The following OTUD7A variants were observed in gnomAD, a reference collection of about 807,000 sequenced individuals.
The protein encoded by OTUD7A is OTU deubiquitinase 7A, also known as OTU domain-containing protein 7A.
In OTUD7A, 12 loss-of-function variants were observed where a neutral mutation model predicts 65.7. The observed-to-expected ratio is 0.18, with a 90% confidence interval of 0.12 to 0.30. The LOEUF (loss-of-function observed/expected upper bound fraction) is 0.30. Ranked by LOEUF, OTUD7A falls within the 10% of genes least tolerant of loss-of-function variation. OTUD7A has a pLI of 1.00. For missense variants in OTUD7A, 1,148 were observed against 1,304.8 expected (o/e 0.88, Z 1.85); for synonymous variants, 641 against 586.3 (o/e 1.09, Z -1.35).
chr15:31,709,367 G>C (rs1893381227), intron 1 of OTUD7A, among the ~76,000 whole-genome samples: 1 of 152,178 alleles, frequency 6.6e-6, no homozygotes, highest in East Asian at 1.9e-4. Flanking sequence ...CACAGGTGTG[G>C]ACAAACCCAG....
intron 3 of OTUD7A, among the ~76,000 whole-genome samples, chr15:31,633,267 AC>A (rs1210219121): frequency 6.6e-6 from 1 of 151,640 alleles, no homozygotes; most frequent in Non-Finnish European, 1.5e-5. Context: ...TCTTGGCTCC[AC>A]CCCCCTGTAT....
intron 1 of OTUD7A, among the ~76,000 whole-genome samples, chr15:31,788,182 G>A (rs1285052920): frequency 2.6e-5 from 4 of 151,976 alleles, no homozygotes; most frequent in Non-Finnish European, 5.9e-5. Context: ...TTTCCCTTCT[G>A]TTTATGAATG....
intron 8 of OTUD7A, among the ~76,000 whole-genome samples, chr15:31,519,550 A>G (rs1483525535): frequency 1.3e-5 from 2 of 152,208 alleles, no homozygotes; most frequent in Non-Finnish European, 2.9e-5. Context: ...CAGCATACTT[A>G]ATGGGGAAAA....
chr15:31,682,684 T>C lies in OTUD7A; in HGVS notation c.-99-25607A>G, dbSNP rs778823703. 3.1e-4 allele frequency among the ~76,000 whole-genome samples: 47 copies of C among 152,222 alleles called. 1 individual carries two copies. Among genetic ancestry groups the C allele is most frequent in the Non-Finnish European group, 7.3e-5 (5 of 68,042 alleles). The stretch of plus-strand genomic sequence containing the variant: ...CTCAATCTACATCTTACACCATATA[T>C]AAAAATTAACTCTGAATGGATCATA... On this transcript the variant is annotated intron_variant, in intron 1 of 12. Transcript: ENST00000307050.
At chr15:31,771,382 C>A (rs1306879708) in intron 1 of OTUD7A, among the ~76,000 whole-genome samples, 1 of 152,230 alleles carries the variant, frequency 6.6e-6, no homozygotes, top group Non-Finnish European at 1.5e-5. Context: ...TCCACATCCA[C>A]TGGCAACGGC....
At chr15:31,784,072 T>C (rs1895609093) in intron 1 of OTUD7A, among the ~76,000 whole-genome samples, 1 of 152,160 alleles carries the variant, frequency 6.6e-6, no homozygotes, top group Non-Finnish European at 1.5e-5. Flanking sequence ...GCCACCTAAC[T>C]CAATGGACCA....
intron 1 of OTUD7A, among the ~76,000 whole-genome samples, chr15:31,755,522 C>A (rs560072767): frequency 6.6e-6 from 1 of 152,196 alleles, no homozygotes; most frequent in East Asian, 1.9e-4. Context: ...GAGATCGAGA[C>A]CATTCTGGCT....
intron 1 of OTUD7A, chr15:31,765,617 C>T (rs558867270): frequency 5.7e-5 from 33 of 575,290 alleles, no homozygotes; most frequent in African/African-American, 5.1e-4. Flanking sequence ...TATTTTGGCA[C>T]TACCTTACAT....
intron 1 of OTUD7A, among the ~76,000 whole-genome samples, chr15:31,700,489 C>T (rs929916430): frequency 2.6e-5 from 4 of 152,116 alleles, no homozygotes. Flanking sequence ...CTTGACTTCG[C>T]CCTCTCCATC....
intron 7 of OTUD7A, among the ~76,000 whole-genome samples, chr15:31,526,678 G>T (rs1186367691): frequency 2.0e-5 from 3 of 152,190 alleles, no homozygotes; most frequent in Non-Finnish European, 4.4e-5. Flanking sequence ...CTGGGAATCT[G>T]CCCACCAACA....
At chr15:31,818,982 G>A (rs185238312) in intron 1 of OTUD7A, among the ~76,000 whole-genome samples, 98 of 152,252 alleles carry the variant, frequency 6.4e-4, no homozygotes, top group African/African-American at 2.1e-3. Flanking sequence ...GGACACTGAC[G>A]GCTGGGTTTG....
At chr15:31,781,927 G>C (rs1201377567) in intron 1 of OTUD7A, among the ~76,000 whole-genome samples, 3 of 152,210 alleles carry the variant, frequency 2.0e-5, no homozygotes, top group Non-Finnish European at 2.9e-5. Flanking sequence ...TCAGGATCTT[G>C]GTGATACTGC....
At chr15:31,658,661 C>T (rs1378400258) in intron 1 of OTUD7A, among the ~76,000 whole-genome samples, 2 of 152,080 alleles carry the variant, frequency 1.3e-5, no homozygotes, top group Non-Finnish European at 2.9e-5. Flanking sequence ...GTGGTCCAAC[C>T]AGAGAGAGTA....
chr15:31,728,122 T>C (rs923098261), intron 1 of OTUD7A, among the ~76,000 whole-genome samples: 6 of 152,214 alleles, frequency 3.9e-5, no homozygotes, highest in African/African-American at 1.4e-4. Context: ...AAAAAGCACA[T>C]GTGGCTGTCT....
chr15:31,604,032 G>A (rs1003860244), intron 3 of OTUD7A, among the ~76,000 whole-genome samples: 62 of 152,338 alleles, frequency 4.1e-4, no homozygotes, highest in Middle Eastern at 3.4e-3. Flanking sequence ...GGAAGACAGT[G>A]TGGCGATTCC....
chr15:31,642,345 T>G (rs1891541527), intron 3 of OTUD7A, among the ~76,000 whole-genome samples: 1 of 152,242 alleles, frequency 6.6e-6, no homozygotes, highest in African/African-American at 2.4e-5. Flanking sequence ...TTCACACTTT[T>G]CTTCATGAGG....
chr15:31,699,846 C>T (rs1176261336), intron 1 of OTUD7A, among the ~76,000 whole-genome samples: 1 of 151,940 alleles, frequency 6.6e-6, no homozygotes, highest in Non-Finnish European at 1.5e-5. Context: ...CTTTAGCAAT[C>T]GAATCTGTCT....
chr15:31,553,594 G>C (rs1888396236), intron 5 of OTUD7A, among the ~76,000 whole-genome samples: 1 of 151,860 alleles, frequency 6.6e-6, no homozygotes, highest in South Asian at 2.1e-4. Context: ...CTTCCTCCAG[G>C]GGTCTGCATC....
intron 1 of OTUD7A, among the ~76,000 whole-genome samples, chr15:31,667,701 A>AT (rs975080073): frequency 1.3e-5 from 2 of 151,630 alleles, no homozygotes; most frequent in Non-Finnish European, 2.9e-5. Flanking sequence ...TGGTTTTTTC[A>AT]TTTTTTGTTT....
Sources: gnomAD v4.1 joint callset for allele counts (sites outside exome capture counted in the v4.1 genomes callset) on GRCh38, gnomAD v4.1.1 for gene constraint, MANE v1.5 for transcripts, NCBI Gene and HGNC (gene_info 2026-07-23, HGNC 2026-07-21) for gene names.